DAP: variants seen among roughly 807,000 people sequenced by gnomAD.
DAP encodes death associated protein.
A neutral mutation model predicts 13.8 loss-of-function variants in DAP; 8 were observed. The ratio of observed to expected loss-of-function variants is 0.58; its 90% CI spans 0.34 to 1.05. The LOEUF is 1.05. Ranked by LOEUF, DAP falls within the 50% of genes least tolerant of loss-of-function variation. The pLI, the probability that DAP is intolerant of heterozygous loss-of-function variation, is 0.03. For synonymous variants in DAP, 47 were observed against 47.5 expected, an observed-to-expected ratio of 0.99 and a Z score of 0.04; for missense variants, 106 against 133.2, an observed-to-expected ratio of 0.80 and a Z score of 1.01.
intron 2 of DAP, among the ~76,000 whole-genome samples, chr5:10,713,905 T>C (rs1373091058): frequency 3.3e-5 from 5 of 152,242 alleles, no homozygotes; most frequent in Non-Finnish European, 7.3e-5. Context: ...GCTGCCCATG[T>C]ATTTCCTCTT....
In DAP at chr5:10,758,417, TTGGCATTTGAGGGATGCTGC is replaced by T. The variant is rs368644529; in HGVS notation, c.55+2577_55+2596del. Among the ~76,000 whole-genome samples, 70 of 24,390 alleles carry T rather than the reference TTGGCATTTGAGGGATGCTGC, an allele frequency of 2.9e-3. 1 individual carries two copies. The highest frequency in any genetic ancestry group is 7.0e-3 in the African/African-American group (64 of 9,162). The allele number at this position is 24,390 out of a possible 152,430, so 16.0% of individuals were successfully genotyped here. A position where few individuals can be genotyped will look rare whatever the true frequency, so the allele number is the denominator to read the frequency against. On this transcript the variant is annotated intron_variant, in intron 1 of 3. Coordinates refer to ENST00000230895, the MANE Select transcript of DAP (RefSeq NM_004394.3). ...TGCTGTTGGCATTTGAGGGGTGCTG[TTGGCATTTGAGGGATGCTGC>T]TGGCATTTGAGGGGTGCTGCTATTG... is the stretch of plus-strand genomic sequence containing the variant.
In DAP at chr5:10,680,836, A is replaced by G. The variant is rs1357552339; in HGVS notation, c.*220T>C. The G allele has an allele frequency of 6.5e-7, 1 of 1,536,918 alleles. No homozygotes were observed. Among genetic ancestry groups the G allele is most frequent in the South Asian group, 1.2e-5 (1 of 84,070 alleles). The stretch of plus-strand genomic sequence containing the variant: ...TAATGGCACCTCTAGGGGCACAATG[A>G]TCCTCAAATGACATCCAACCAGACT... On this transcript the variant is annotated 3_prime_UTR_variant, in exon 4 of 4. Transcript: ENST00000230895.
chr5:10,756,070 C>CAGGGAGATAAT (rs1554003737), intron 1 of DAP, among the ~76,000 whole-genome samples: 6 of 143,110 alleles, frequency 4.2e-5, no homozygotes, highest in South Asian at 4.5e-4. Context: ...ATCTCTTGAG[C>CAGGGAGATAAT]CCAGGAGGCC....
chr5:10,687,906 T>A (rs1224436690), intron 2 of DAP, among the ~76,000 whole-genome samples: 1 of 69,446 alleles, frequency 1.4e-5, no homozygotes, highest in Admixed American at 1.7e-4. Flanking sequence ...CATTGTTGTC[T>A]TTTTTTTTTT....
intron 1 of DAP, among the ~76,000 whole-genome samples, chr5:10,752,490 G>GA (rs1272799579): frequency 2.0e-5 from 3 of 152,218 alleles, no homozygotes; most frequent in African/African-American, 7.2e-5. Context: ...AGGAGAAACA[G>GA]AAAAACCTTA....
rs188622464 is a variant in DAP at position 10,745,513 on chromosome 5, A to G, written c.152+2662T>C. Among the ~76,000 whole-genome samples, 186 of 152,320 alleles carry G rather than the reference A, an allele frequency of 1.2e-3. 1 individual carries two copies. The highest frequency in any genetic ancestry group is 4.2e-3 in the African/African-American group (176 of 41,576). ...TCTTTAAGGTAAATAAGATGCTACA[A>G]TCTACAGCGCTGGGGTGCTCGATCT... On this transcript the variant is annotated intron_variant, in intron 2 of 3. Transcript: ENST00000230895.
chr5:10,735,425 C>T (rs1412081643), intron 2 of DAP, among the ~76,000 whole-genome samples: 1 of 152,224 alleles, frequency 6.6e-6, no homozygotes, highest in African/African-American at 2.4e-5. Context: ...GTATCTGGAC[C>T]TTGAGATGAG....
At chr5:10,729,790 T>C (rs954845878) in intron 2 of DAP, among the ~76,000 whole-genome samples, 5 of 151,802 alleles carry the variant, frequency 3.3e-5, no homozygotes, top group Middle Eastern at 3.2e-3. Context: ...TAACAGAAAA[T>C]TCATCCTTAC....
Position 10,742,991 on chromosome 5 carries a change from A to C in DAP, c.152+5184T>G, listed in dbSNP as rs183567419. 3.3e-5 allele frequency among the ~76,000 whole-genome samples: 5 copies of C among 152,196 alleles called. 1 individual carries two copies. The East Asian group carries it at 9.7e-4, about 29-fold the overall frequency. ...ACCATATGTTCATACAGATACTTCT[A>C]GTTCCCATCCAACAGCACCAAGTTC... On this transcript the variant is annotated intron_variant, in intron 2 of 3. Coordinates refer to ENST00000230895, the MANE Select transcript of DAP (RefSeq NM_004394.3).
chr5:10,704,204 T>G (rs1329604068), intron 2 of DAP, among the ~76,000 whole-genome samples: 1 of 152,234 alleles, frequency 6.6e-6, no homozygotes, highest in Admixed American at 6.5e-5. Flanking sequence ...AAATCATATA[T>G]AGTGAACAGT....
intron 2 of DAP, among the ~76,000 whole-genome samples, chr5:10,735,350 C>T (rs1739581236): frequency 1.3e-5 from 2 of 152,168 alleles, no homozygotes; most frequent in African/African-American, 4.8e-5. Flanking sequence ...CCTGAAATTG[C>T]CTGGAAGCCC....
chr5:10,729,141 A>C (rs1337260875), intron 2 of DAP, among the ~76,000 whole-genome samples: 4 of 152,174 alleles, frequency 2.6e-5, no homozygotes, highest in Non-Finnish European at 5.9e-5. Context: ...GTAGGTTTCA[A>C]AAATGTCAAA....
At chr5:10,701,354 G>C (rs921557058) in intron 2 of DAP, among the ~76,000 whole-genome samples, 2 of 152,190 alleles carry the variant, frequency 1.3e-5, no homozygotes, top group African/African-American at 4.8e-5. Context: ...TTCTTTTCAA[G>C]CTCAAGATGC....
At chr5:10,701,527 A>G (rs1185017992) in intron 2 of DAP, among the ~76,000 whole-genome samples, 1 of 150,298 alleles carries the variant, frequency 6.7e-6, no homozygotes, top group Non-Finnish European at 1.5e-5. Context: ...TAATGATTGC[A>G]ATGTCAGATG....
At chr5:10,682,483 C>G (rs1458568344) in intron 3 of DAP, among the ~76,000 whole-genome samples, 1 of 150,860 alleles carries the variant, frequency 6.6e-6, no homozygotes, top group Non-Finnish European at 1.5e-5. Context: ...CACCCACCAG[C>G]TTCCCTGCAG....
intron 2 of DAP, among the ~76,000 whole-genome samples, chr5:10,691,309 G>T (rs759744078): frequency 6.6e-6 from 1 of 152,244 alleles, no homozygotes; most frequent in Non-Finnish European, 1.5e-5. Context: ...ATCAAGTTTG[G>T]CCCAAAGGCT....
intron 2 of DAP, among the ~76,000 whole-genome samples, chr5:10,708,444 C>CAG (rs1738757773): frequency 2.5e-5 from 1 of 39,446 alleles, no homozygotes; most frequent in South Asian, 5.1e-4. Flanking sequence ...ACATATCAGA[C>CAG]ACACACACAC....
chr5:10,681,894 G>A (rs141091004), intron 3 of DAP, among the ~76,000 whole-genome samples: 5,600 of 149,514 alleles, frequency 0.037, 123 homozygotes, highest in Non-Finnish European at 0.052. Context: ...CCAGACCAGC[G>A]CCCACCAGCA....
intron 1 of DAP, among the ~76,000 whole-genome samples, chr5:10,750,721 G>A (rs943474270): frequency 1.4e-4 from 21 of 151,952 alleles, no homozygotes; most frequent in African/African-American, 3.9e-4. Flanking sequence ...TTGATTTTCT[G>A]AAGTCCTCTG....
Sources: allele counts gnomAD v4.1 joint callset (sites outside exome capture counted in the v4.1 genomes callset), GRCh38; gene constraint gnomAD v4.1.1; transcripts MANE v1.5; gene names NCBI Gene and HGNC (gene_info 2026-07-23, HGNC 2026-07-21).